Variants in CCDC138 observed in about 807,000 individuals in gnomAD.
CCDC138 encodes coiled-coil domain containing 138, also known as coiled-coil domain-containing protein 138.
A neutral mutation model predicts 82.3 loss-of-function variants in CCDC138; 66 were observed. The observed-to-expected ratio is 0.80, with a 90% CI of 0.66 to 0.98. CCDC138 has a LOEUF of 0.98. Ranked by LOEUF, CCDC138 falls within the 50% of genes least tolerant of loss-of-function variation. CCDC138 has a pLI of 0.00. For missense variants in CCDC138, 816 were observed against 758.9 expected, an observed-to-expected ratio of 1.08 and a Z score of -0.88; for synonymous variants, 297 against 265.4, an observed-to-expected ratio of 1.12 and a Z score of -1.16.
intron 3 of CCDC138, among the ~76,000 whole-genome samples, chr2:108,790,933 T>C (rs1044086497): frequency 6.6e-6 from 1 of 151,854 alleles, no homozygotes; most frequent in Admixed American, 6.6e-5. Flanking sequence ...TTTTATTTAT[T>C]TTTCTTTTTG....
At chr2:108,875,769 G>A (rs1695939966) in intron 14 of CCDC138, among the ~76,000 whole-genome samples, 1 of 152,200 alleles carries the variant, frequency 6.6e-6, no homozygotes, top group Non-Finnish European at 1.5e-5. Flanking sequence ...TGAGATGGGA[G>A]GATTGCTTGA....
intron 10 of CCDC138, among the ~76,000 whole-genome samples, chr2:108,820,986 ATTC>A (rs1254986417): frequency 3.3e-5 from 5 of 149,696 alleles, no homozygotes; most frequent in African/African-American, 1.2e-4. Context: ...TTGATTTTTA[ATTC>A]TTGCATAGAA....
rs186795024 is a variant in CCDC138, at chr2:108,873,557, C to T, written c.1800C>T (p.Leu600=). Residue 600 remains leucine, a synonymous_variant, in exon 14 of 15, where the codon CTC becomes CTT. Transcript: ENST00000295124. ...TTGATCTTCAAATACTAGAAAAACT[C>T]AGTATTATTTTACAGAAACTTTCCA... ...PKLDLQILEK[L]SIILQKLSKI... The T allele has an allele frequency of 2.5e-6, 4 of 1,609,730 alleles. No homozygotes were observed. The highest frequency in any genetic ancestry group is 8.5e-7 in the Non-Finnish European group (1 of 1,178,060).
intron 4 of CCDC138, 26 bp downstream of exon 4, chr2:108,791,828 A>G: frequency 6.5e-7 from 1 of 1,548,362 alleles, no homozygotes; most frequent in South Asian, 1.2e-5. Context: ...TAGAACAATC[A>G]ATTCAGTAGT....
chr2:108,840,261 G>C (rs1689235356), intron 11 of CCDC138, among the ~76,000 whole-genome samples: 1 of 151,842 alleles, frequency 6.6e-6, no homozygotes, highest in Admixed American at 6.6e-5. Flanking sequence ...ATTTTGTTAA[G>C]GACTTTTGTT....
rs764575365 is a variant in CCDC138 at position 108,786,794 on chromosome 2, C to G, written c.-29C>G. On this transcript the variant is annotated 5_prime_UTR_variant, in exon 1 of 15. Transcript: ENST00000295124. The stretch of plus-strand genomic sequence containing the variant: ...CCGCGGGTTTGATGAACGCGGTTCC[C>G]GGGGAGACTGGTACGGTTGCTGTGT... 109 of 1,563,128 alleles carry G rather than the reference C, an allele frequency of 7.0e-5. No individual in the cohort carries two copies. The highest frequency in any genetic ancestry group is 7.8e-5 in the Non-Finnish European group (90 of 1,151,794).
chr2:108,846,725 A>ATAT lies in CCDC138; in HGVS notation c.1324-11_1324-9dup, dbSNP rs764504139. The ATAT allele has an allele frequency of 1.9e-6, 3 of 1,592,314 alleles. No individual in the cohort carries two copies. The highest frequency in any genetic ancestry group is 2.2e-5 in the East Asian group (1 of 44,762). On this transcript the variant is annotated splice_polypyrimidine_tract_variant and intron_variant, in intron 11 of 14. Coordinates refer to ENST00000295124, the MANE Select transcript of CCDC138 (RefSeq NM_144978.3). ...ATGAATAAATATACTAAGATTGTACATATTTTTAACAGCACTCGACTATGA... is the reference window on the plus strand; with the variant it reads ...ATGAATAAATATACTAAGATTGTACATATTATTTTTAACAGCACTCGACTATGA...
intron 6 of CCDC138, among the ~76,000 whole-genome samples, chr2:108,800,822 C>T (rs1229355787): frequency 8.5e-6 from 1 of 118,134 alleles, no homozygotes; most frequent in Non-Finnish European, 1.7e-5. Flanking sequence ...ATTCCCCTTC[C>T]TGTGTCCATG....
At chr2:108,823,594 C>T (rs1323877965) in intron 10 of CCDC138, among the ~76,000 whole-genome samples, 1 of 152,198 alleles carries the variant, frequency 6.6e-6, no homozygotes, top group East Asian at 1.9e-4. Flanking sequence ...ATTTGCTATG[C>T]AGAATATCTT....
intron 2 of CCDC138, chr2:108,884,194 C>T (rs1356033337): frequency 6.6e-6 from 1 of 152,538 alleles, no homozygotes; most frequent in Non-Finnish European, 1.5e-5. Context: ...TGAGCCACTG[C>T]ACCTGCCCAA....
chr2:108,795,148 G>GTTTTTTTT (rs1405181630), intron 5 of CCDC138, among the ~76,000 whole-genome samples: 1 of 68,652 alleles, frequency 1.5e-5, no homozygotes, highest in Non-Finnish European at 3.1e-5. Flanking sequence ...TTTCTAAAGT[G>GTTTTTTTT]TATTTTTTTT....
chr2:108,834,912 A>G (rs763453067), intron 10 of CCDC138, among the ~76,000 whole-genome samples: 3 of 152,222 alleles, frequency 2.0e-5, no homozygotes, highest in African/African-American at 4.8e-5. Flanking sequence ...TCTTCTCTTG[A>G]TATTTCTTTT....
intron 9 of CCDC138, 116 bp from the exon 10 acceptor site, chr2:108,815,825 C>A: frequency 2.3e-6 from 2 of 853,080 alleles, no homozygotes; most frequent in Non-Finnish European, 3.6e-6. Context: ...GTCCTTAACA[C>A]ATTTTAGTGA....
chr2:108,871,715 G>A (rs1695280280), intron 13 of CCDC138, among the ~76,000 whole-genome samples: 1 of 152,056 alleles, frequency 6.6e-6, no homozygotes, highest in Non-Finnish European at 1.5e-5. Context: ...ACACAGAATT[G>A]ATTGACTTCC....
At chr2:108,817,078 C>T (rs777374637) in intron 10 of CCDC138, among the ~76,000 whole-genome samples, 5 of 152,098 alleles carry the variant, frequency 3.3e-5, no homozygotes, top group African/African-American at 9.7e-5. Context: ...AGGAAACAAA[C>T]GTTCAAACCA....
At chr2:108,854,801 C>T (rs1692330549) in intron 12 of CCDC138, among the ~76,000 whole-genome samples, 1 of 152,152 alleles carries the variant, frequency 6.6e-6, no homozygotes, top group African/African-American at 2.4e-5. Context: ...TTCTAATTCA[C>T]ACAGCATCAT....
intron 13 of CCDC138, among the ~76,000 whole-genome samples, chr2:108,870,872 A>AATTCC: frequency 6.6e-6 from 1 of 152,318 alleles, no homozygotes; most frequent in African/African-American, 2.4e-5. Context: ...AAGAAGATGG[A>AATTCC]AAAAACTCTG....
At chr2:108,841,513 A>C (rs75394145) in intron 11 of CCDC138, among the ~76,000 whole-genome samples, 3,030 of 152,078 alleles carry the variant, frequency 0.02, 98 homozygotes, top group African/African-American at 0.07. Flanking sequence ...CTATCTCTGA[A>C]CATTTGCATT....
At chr2:108,830,346 A>G (rs1424238631) in intron 10 of CCDC138, among the ~76,000 whole-genome samples, 1 of 152,228 alleles carries the variant, frequency 6.6e-6, no homozygotes, top group Non-Finnish European at 1.5e-5. Context: ...TGATGGTTAC[A>G]CAACAGTGTG....
Sources: gnomAD v4.1 joint callset for allele counts (sites outside exome capture counted in the v4.1 genomes callset) on GRCh38, gnomAD v4.1.1 for gene constraint, MANE v1.5 for transcripts, NCBI Gene and HGNC (gene_info 2026-07-23, HGNC 2026-07-21) for gene names.